The following SIAH1 variants were observed in gnomAD, a reference collection of about 807,000 sequenced individuals.
SIAH1 encodes E3 ubiquitin-protein ligase SIAH1.
A neutral mutation model predicts 20.0 loss-of-function variants in SIAH1; 2 were observed. The ratio of observed to expected loss-of-function variants is 0.10; its 90% CI spans 0.04 to 0.31. The LOEUF is 0.31. SIAH1 is among the 10% of genes least tolerant of loss of function. The probability of loss-of-function intolerance (pLI) is 1.00; values close to 1 mark genes in which losing one functional copy is unlikely to be tolerated. For synonymous variants in SIAH1, 118 were observed against 125.3 expected, an observed-to-expected ratio of 0.94 and a Z score of 0.39; for missense variants, 119 against 355.3, an observed-to-expected ratio of 0.33 and a Z score of 5.35.
chr16:48,362,306 A>G lies in SIAH1; in HGVS notation c.123T>C (p.Cys41=). 1 of 1,614,202 alleles carries G rather than the reference A, an allele frequency of 6.2e-7. No homozygotes were observed. Among genetic ancestry groups the G allele is most frequent in the South Asian group, 1.1e-5 (1 of 91,086 alleles). ...SNNDLASLFE[C]PVCFDYVLPP... is the part of the protein sequence containing the mutation. ...GTAACACATAGTCAAAGCAGACTGG[A>G]CACTCAAAAAGACTCGCCAAGTCAT... Residue 41 remains cysteine (C), a synonymous_variant, in exon 2 of 2, where the codon TGT becomes TGC. Coordinates refer to ENST00000394725, the MANE Select transcript of SIAH1 (RefSeq NM_003031.4). This position sits in a 1 kb window ranked among gnomAD's most constrained non-coding sequence, Gnocchi z 4.2.
At chr16:48,382,054 G>A (rs1258119933) in intron 1 of SIAH1, among the ~76,000 whole-genome samples, 1 of 152,062 alleles carries the variant, frequency 6.6e-6, no homozygotes, top group Admixed American at 6.6e-5. Context: ...TCTGCATAAG[G>A]GGATATATGG....
intron 1 of SIAH1, among the ~76,000 whole-genome samples, chr16:48,381,001 A>T (rs1961272620): frequency 6.6e-6 from 1 of 150,982 alleles, no homozygotes; most frequent in Non-Finnish European, 1.5e-5. Context: ...GATACAGAGC[A>T]ACAGGAACGC....
chr16:48,369,568 A>G (rs1960930746), intron 1 of SIAH1, among the ~76,000 whole-genome samples: 1 of 151,990 alleles, frequency 6.6e-6, no homozygotes, highest in African/African-American at 2.4e-5. Flanking sequence ...CTGAGACCTC[A>G]TCTCCACAAA....
At chr16:48,365,657 G>A in intron 1 of SIAH1, 8 of 1,432,598 alleles carry the variant, frequency 5.6e-6, no homozygotes, top group Non-Finnish European at 7.3e-6. Context: ...TCCATCCCCA[G>A]GAGGCAACCA....
intron 1 of SIAH1, among the ~76,000 whole-genome samples, chr16:48,379,837 G>C (rs1269034984): frequency 3.3e-5 from 5 of 152,152 alleles, no homozygotes; most frequent in Non-Finnish European, 7.4e-5. Flanking sequence ...GATGAGAGGG[G>C]CTTGCAAGTA....
intron 1 of SIAH1, among the ~76,000 whole-genome samples, chr16:48,381,655 A>T (rs570692163): frequency 4.1e-4 from 62 of 152,372 alleles, no homozygotes; most frequent in African/African-American, 1.4e-3. Flanking sequence ...CAATGTGAAA[A>T]GGCTACATAT....
chr16:48,385,193 G>T lies in SIAH1; in HGVS notation c.-3+11C>A. 3.2e-6 allele frequency: 1 copy of T among 311,862 alleles called. No individual in the cohort carries two copies. Among genetic ancestry groups the T allele is most frequent in the Non-Finnish European group, 6.8e-6 (1 of 146,218 alleles). 19.3% of individuals were successfully genotyped at this position (311,862 alleles called of 1,614,324 possible). A position where few individuals can be genotyped will look rare whatever the true frequency, so the allele number is the denominator to read the frequency against. ...GCCGCCGGCTCCTCCCTCAGGCCGGGCCCCACTTACCTGTGGGCGGAGAGC... is the reference window on the plus strand; with the variant it reads ...GCCGCCGGCTCCTCCCTCAGGCCGGTCCCCACTTACCTGTGGGCGGAGAGC... On this transcript the variant is annotated intron_variant, in intron 1 of 1. Coordinates refer to ENST00000394725, the MANE Select transcript of SIAH1 (RefSeq NM_003031.4).
chr16:48,367,003 C>G (rs1960859305), intron 1 of SIAH1, among the ~76,000 whole-genome samples: 1 of 152,066 alleles, frequency 6.6e-6, no homozygotes, highest in Non-Finnish European at 1.5e-5. Flanking sequence ...GTCTTCTGGG[C>G]TCGAGCAATC....
intron 1 of SIAH1, among the ~76,000 whole-genome samples, chr16:48,371,721 A>C (rs931676818): frequency 1.3e-5 from 2 of 152,260 alleles, no homozygotes. Flanking sequence ...TCTTGATTAC[A>C]AACTAATCTG....
At chr16:48,363,940 C>CTTTTTTTTTT (rs565145479) in intron 1 of SIAH1, 3 of 64,642 alleles carry the variant, frequency 4.6e-5, no homozygotes, top group Non-Finnish European at 6.2e-5. Context: ...AAGCCATAAT[C>CTTTTTTTTTT]TTTTTTTTTT....
chr16:48,385,442 C>T (rs1961433717), upstream of SIAH1: 2 of 150,936 alleles, frequency 1.3e-5, no homozygotes, highest in South Asian at 2.0e-4. Context: ...CGCTAAATAC[C>T]ACACACTGCG....
intron 1 of SIAH1, among the ~76,000 whole-genome samples, chr16:48,371,260 T>A (rs1341075343): frequency 2.6e-5 from 4 of 152,244 alleles, no homozygotes; most frequent in Non-Finnish European, 5.9e-5. Flanking sequence ...CACTCCAGCC[T>A]GGGCAATACA....
chr16:48,374,770 A>T (rs1961063935), intron 1 of SIAH1, among the ~76,000 whole-genome samples: 1 of 152,220 alleles, frequency 6.6e-6, no homozygotes, highest in South Asian at 2.1e-4. Flanking sequence ...AATAAAAACT[A>T]AAAAATGCAG....
At chr16:48,380,918 G>A (rs1350711394) in intron 1 of SIAH1, among the ~76,000 whole-genome samples, 1 of 2,524 alleles carries the variant, frequency 4.0e-4, no homozygotes, top group Admixed American at 5.3e-3. Context: ...GACAGAGTGA[G>A]ACTCCGTCTC....
intron 1 of SIAH1, chr16:48,365,906 A>G: frequency 8.1e-7 from 1 of 1,230,650 alleles, no homozygotes; most frequent in Non-Finnish European, 1.0e-6. Context: ...GCCTGCCGGG[A>G]GAGCCATTTG....
chr16:48,374,798 T>A (rs891282176), intron 1 of SIAH1, among the ~76,000 whole-genome samples: 13 of 152,156 alleles, frequency 8.5e-5, no homozygotes, highest in Non-Finnish European at 2.9e-5. Flanking sequence ...AGTAATCAGT[T>A]TATTACATGG....
intron 1 of SIAH1, among the ~76,000 whole-genome samples, chr16:48,367,839 A>T (rs1021213037): frequency 1.1e-4 from 17 of 152,248 alleles, no homozygotes; most frequent in Middle Eastern, 3.2e-3. Flanking sequence ...ACAAGCCCAT[A>T]GAATCCAAAA....
At chr16:48,365,480 G>A in intron 1 of SIAH1, 4 of 1,612,736 alleles carry the variant, frequency 2.5e-6, no homozygotes, top group South Asian at 1.1e-5. Context: ...CCCGTCATGA[G>A]AAGTCAGGCC....
In SIAH1 at chr16:48,362,764, G is replaced by C; in HGVS notation, c.-2-334C>G. 1 of 230,588 alleles carries C rather than the reference G, an allele frequency of 4.3e-6. No homozygotes were observed. Among genetic ancestry groups the C allele is most frequent in the African/African-American group, 2.4e-5 (1 of 42,204 alleles). 14.3% of individuals were successfully genotyped at this position (230,588 alleles called of 1,614,324 possible). On this transcript the variant is annotated intron_variant, in intron 1 of 1. Coordinates refer to ENST00000394725, the MANE Select transcript of SIAH1 (RefSeq NM_003031.4). This position sits in a 1 kb window ranked among gnomAD's most constrained non-coding sequence, Gnocchi z 4.2. Reference sequence around the variant, plus strand: ...AACTAAAGAAACTATACAAGGAACTGAAGTTTAATCGAATCCGTTTTGCTA... The same window carrying C: ...AACTAAAGAAACTATACAAGGAACTCAAGTTTAATCGAATCCGTTTTGCTA...
Sources: allele counts gnomAD v4.1 joint callset (sites outside exome capture counted in the v4.1 genomes callset), GRCh38; gene constraint gnomAD v4.1.1; non-coding constraint Gnocchi (gnomAD v3.1); transcripts MANE v1.5; gene names NCBI Gene and HGNC (gene_info 2026-07-23, HGNC 2026-07-21).